Variants in FYB2 observed in about 807,000 individuals in gnomAD.
FYB2 encodes FYN binding protein 2, also known as FYN-binding protein 2.
FYB2 carries 103 observed loss-of-function variants against 94.1 expected under a neutral mutation model. The observed-to-expected ratio is 1.09, with a 90% CI of 0.93 to 1.29. The LOEUF (loss-of-function observed/expected upper bound fraction) is 1.29. FYB2 is among the 50% of genes most tolerant of loss of function. The pLI is 0.00. For synonymous variants in FYB2, 293 were observed against 287.9 expected, an observed-to-expected ratio of 1.02 and a Z score of -0.18; for missense variants, 896 against 841.5, an observed-to-expected ratio of 1.06 and a Z score of -0.80.
In FYB2 at chr1:56,792,259, T is replaced by C. The variant is rs754860979; in HGVS notation, c.554A>G (p.Lys185Arg). 29 of 1,612,006 alleles carry C rather than the reference T, an allele frequency of 1.8e-5. No homozygotes were observed. In the Middle Eastern group the frequency reaches 6.6e-4, roughly 37 times the overall value. ...MGLTPEEPRK[K>R]LETKGAQTLP... ...AGTCTGGGCTCCTTTTGTTTCCAGC[T>C]TTTTCCTGGGTTCCTCTGGAGTAAG... The change falls in exon 2 of 20, where the codon AAG becomes AGG. Residue 185 changes from lysine to arginine, a missense_variant. Lys to Arg is a conservative substitution (Grantham distance 26, BLOSUM62 2). Transcript: ENST00000343433.
At chr1:56,772,946 T>C (rs1645795022) in intron 4 of FYB2, among the ~76,000 whole-genome samples, 1 of 152,202 alleles carries the variant, frequency 6.6e-6, no homozygotes, top group Non-Finnish European at 1.5e-5. Flanking sequence ...ATCAGGTTTC[T>C]AACTTTTCTT....
At chr1:56,780,242 C>T (rs751775450) in intron 4 of FYB2, among the ~76,000 whole-genome samples, 9 of 152,132 alleles carry the variant, frequency 5.9e-5, no homozygotes, top group Non-Finnish European at 1.3e-4. Context: ...CATCTGAATG[C>T]CACTGAAGAG....
chr1:56,787,094 T>C (rs1646147818), intron 4 of FYB2, 81 bp downstream of exon 4: 2 of 1,454,374 alleles, frequency 1.4e-6, no homozygotes, highest in South Asian at 1.1e-5. Flanking sequence ...TCTTGGTTTG[T>C]GCTAATTGCC....
At chr1:56,799,085 A>T (rs61765531) in intron 1 of FYB2, among the ~76,000 whole-genome samples, 29,581 of 152,056 alleles carry the variant, frequency 0.19, 3,658 homozygotes, top group Non-Finnish European at 0.27. Flanking sequence ...CTTATATATG[A>T]TGTCTTAATT....
chr1:56,791,380 C>T (rs930810529), intron 2 of FYB2, among the ~76,000 whole-genome samples: 9 of 152,022 alleles, frequency 5.9e-5, no homozygotes, highest in Admixed American at 1.3e-4. Flanking sequence ...CTCAGCTTCC[C>T]GAGTAGCTGG....
intron 15 of FYB2, among the ~76,000 whole-genome samples, chr1:56,735,804 G>A (rs777005783): frequency 6.6e-6 from 1 of 152,106 alleles, no homozygotes; most frequent in Non-Finnish European, 1.5e-5. Context: ...CAGCCACGCG[G>A]AACTGCGAGT....
chr1:56,808,679 A>G (rs1410236113), intron 1 of FYB2, among the ~76,000 whole-genome samples: 1 of 152,168 alleles, frequency 6.6e-6, no homozygotes, highest in East Asian at 1.9e-4. Flanking sequence ...CCTTTGGAGG[A>G]AACCATGCAC....
At chr1:56,803,054 A>C (rs1646557717) in intron 1 of FYB2, among the ~76,000 whole-genome samples, 1 of 152,174 alleles carries the variant, frequency 6.6e-6, no homozygotes, top group South Asian at 2.1e-4. Context: ...TCTGAGATTT[A>C]GTTTCAGCAC....
At position 56,754,741 on chromosome 1, in the gene FYB2, T is replaced by C. The variant is rs183395750; in HGVS notation, c.1131-806A>G. 3.3e-4 allele frequency among the ~76,000 whole-genome samples: 50 copies of C among 152,226 alleles called. No individual in the cohort carries two copies. The East Asian group carries it at 8.7e-3, about 27-fold the overall frequency. The stretch of plus-strand genomic sequence containing the variant: ...AGTAACCCCTCACTCCCAACTACTC[T>C]GGCTTCCCCTCCCATCTTGGATCAA... On this transcript the variant is annotated intron_variant, in intron 7 of 19. Transcript: ENST00000343433.
Position 56,720,021 on chromosome 1 carries a change from C to T in FYB2, c.2165+1G>A. 6.3e-7 allele frequency: 1 copy of T among 1,598,006 alleles called. No homozygotes were observed. The highest frequency in any genetic ancestry group is 8.5e-7 in the Non-Finnish European group (1 of 1,172,370). ...TTAAAGTATAAAATCAAACAGCTTACTTGAAATCTAGATGTTCAATGAGCA... is the reference window on the plus strand; with the variant it reads ...TTAAAGTATAAAATCAAACAGCTTATTTGAAATCTAGATGTTCAATGAGCA... On this transcript the variant is annotated splice_donor_variant, in intron 19 of 19. Transcript: ENST00000343433. LOFTEE classifies it high-confidence loss of function.
At chr1:56,760,133 T>C (rs892943656) in intron 5 of FYB2, among the ~76,000 whole-genome samples, 4 of 151,872 alleles carry the variant, frequency 2.6e-5, no homozygotes, top group African/African-American at 7.3e-5. Context: ...GGACATTGTA[T>C]AGAAAATGGC....
At chr1:56,776,372 T>A (rs545759011) in intron 4 of FYB2, among the ~76,000 whole-genome samples, 1 of 152,266 alleles carries the variant, frequency 6.6e-6, no homozygotes, top group South Asian at 2.1e-4. Context: ...ATTTAACCTA[T>A]AATTTGAGGT....
chr1:56,817,847 C>T (rs1278156986), intron 1 of FYB2, among the ~76,000 whole-genome samples: 2 of 152,138 alleles, frequency 1.3e-5, no homozygotes, highest in Admixed American at 6.5e-5. Context: ...ATTCTTCCTG[C>T]TGTCCTATTG....
At chr1:56,799,246 C>G (rs772948172) in intron 1 of FYB2, among the ~76,000 whole-genome samples, 3 of 152,094 alleles carry the variant, frequency 2.0e-5, no homozygotes, top group Non-Finnish European at 4.4e-5. Flanking sequence ...TTTATTTATT[C>G]TGCAATAAAT....
At position 56,792,509 on chromosome 1, in the gene FYB2, C is replaced by T. The variant is rs201392067; in HGVS notation, c.304G>A (p.Val102Ile). The T allele has an allele frequency of 5.1e-5, 82 of 1,614,186 alleles. No homozygotes were observed. In the East Asian group the frequency reaches 1.7e-3, roughly 33 times the overall value. Residue 102 changes from valine to isoleucine, a missense_variant, in exon 2 of 20, where the codon GTA becomes ATA. Transcript: ENST00000343433. The stretch of plus-strand genomic sequence containing the variant: ...TTCTGTGAACTTGTTGCAGAACATA[C>T]AGTAGACTTTCCCAGAGGCCCTGGG... The part of the protein sequence containing the change: ...NSPGPLGKST[V>I]CSATSSQKAS...
chr1:56,722,698 C>T (rs1250905671), intron 17 of FYB2, among the ~76,000 whole-genome samples: 4 of 151,940 alleles, frequency 2.6e-5, no homozygotes, highest in African/African-American at 9.7e-5. Flanking sequence ...GTTGCCAAAG[C>T]AGAAAGTGCA....
At chr1:56,775,724 G>A (rs909734724) in intron 4 of FYB2, among the ~76,000 whole-genome samples, 2 of 152,184 alleles carry the variant, frequency 1.3e-5, no homozygotes, top group Non-Finnish European at 2.9e-5. Context: ...GTCAAACATG[G>A]CATGAATAGA....
chr1:56,735,415 G>C (rs1388491439), intron 15 of FYB2, among the ~76,000 whole-genome samples: 1 of 152,120 alleles, frequency 6.6e-6, no homozygotes, highest in Non-Finnish European at 1.5e-5. Flanking sequence ...AAAGGTTGCT[G>C]TCATAGAAAT....
intron 17 of FYB2, among the ~76,000 whole-genome samples, chr1:56,723,354 C>T (rs1421519591): frequency 6.6e-6 from 1 of 151,864 alleles, no homozygotes; most frequent in African/African-American, 2.4e-5. Context: ...GACATTTGAA[C>T]AGAGCCTTCA....
Sources: gnomAD v4.1 joint callset for allele counts (sites outside exome capture counted in the v4.1 genomes callset) on GRCh38, gnomAD v4.1.1 for gene constraint, MANE v1.5 for transcripts, NCBI Gene and HGNC (gene_info 2026-07-23, HGNC 2026-07-21) for gene names.